Variants in CEP128 observed in about 807,000 individuals in gnomAD.
The protein encoded by CEP128 is centrosomal protein 128, also known as centrosomal protein 128kDa.
CEP128 carries 132 observed loss-of-function variants against 156.7 expected under a neutral mutation model. The observed-to-expected ratio is 0.84, with a 90% confidence interval of 0.73 to 0.97. The LOEUF (loss-of-function observed/expected upper bound fraction) is 0.97, where lower values mean the gene tolerates loss of function less well. Ranked by LOEUF, CEP128 falls within the 50% of genes least tolerant of loss-of-function variation. The pLI is 0.00. For missense variants in CEP128, 1,252 were observed against 1,281.9 expected (o/e 0.98, Z 0.36); for synonymous variants, 469 against 448.9 (o/e 1.04, Z -0.57).
At chr14:80,573,341 GTTTTTAGAAGCT>G (rs748282365) in intron 20 of CEP128, among the ~76,000 whole-genome samples, 215 of 152,126 alleles carry the variant, frequency 1.4e-3, no homozygotes, top group Non-Finnish European at 1.1e-3. Flanking sequence ...TGATGTGTGT[GTTTTTAGAAGCT>G]TTTTTAGAAG....
At chr14:80,542,116 C>G (rs1281558857) in intron 21 of CEP128, among the ~76,000 whole-genome samples, 1 of 152,212 alleles carries the variant, frequency 6.6e-6, no homozygotes, top group African/African-American at 2.4e-5. Context: ...CCTCTAAACT[C>G]TGGGTTAAGT....
intron 19 of CEP128, among the ~76,000 whole-genome samples, chr14:80,693,452 A>T (rs1415699174): frequency 1.3e-5 from 2 of 152,178 alleles, no homozygotes; most frequent in Admixed American, 1.3e-4. Context: ...TTCTTTAATG[A>T]GACATAGAGT....
chr14:80,776,282 C>T (rs1403421160), intron 16 of CEP128, among the ~76,000 whole-genome samples: 1 of 151,836 alleles, frequency 6.6e-6, no homozygotes, highest in African/African-American at 2.4e-5. Context: ...AGCATTATCA[C>T]CAGAACTACA....
At chr14:80,722,640 T>C (rs998302336) in intron 19 of CEP128, among the ~76,000 whole-genome samples, 2 of 151,742 alleles carry the variant, frequency 1.3e-5, no homozygotes, top group African/African-American at 4.8e-5. Flanking sequence ...AACAGAATGT[T>C]CATATATAAG....
At chr14:80,749,273 C>T (rs923468094) in intron 18 of CEP128, among the ~76,000 whole-genome samples, 3 of 152,168 alleles carry the variant, frequency 2.0e-5, no homozygotes, top group African/African-American at 7.2e-5. Context: ...CCAGCAATCC[C>T]GTTGCTAGGT....
intron 2 of CEP128, among the ~76,000 whole-genome samples, chr14:80,956,683 A>T (rs1208038101): frequency 4.8e-5 from 2 of 41,360 alleles, no homozygotes; most frequent in Admixed American, 2.1e-4. Context: ...CAGTTAAGAT[A>T]AAAAAAAATG....
intron 18 of CEP128, among the ~76,000 whole-genome samples, chr14:80,747,115 T>G (rs1899141784): frequency 6.6e-6 from 1 of 152,146 alleles, no homozygotes; most frequent in Non-Finnish European, 1.5e-5. Flanking sequence ...AAACTGGAAG[T>G]CTGACATACT....
intron 19 of CEP128, among the ~76,000 whole-genome samples, chr14:80,595,927 T>C (rs1055649697): frequency 4.0e-5 from 6 of 151,808 alleles, no homozygotes; most frequent in Admixed American, 2.6e-4. Context: ...CAGAACAGCA[T>C]GGGAAAGACC....
chr14:80,597,360 A>G (rs1367400744), intron 19 of CEP128, among the ~76,000 whole-genome samples: 1 of 152,204 alleles, frequency 6.6e-6, no homozygotes, highest in Non-Finnish European at 1.5e-5. Flanking sequence ...ACAAAGTACC[A>G]TAACTTACCC....
intron 2 of CEP128, among the ~76,000 whole-genome samples, chr14:80,956,200 G>C (rs1010973876): frequency 2.0e-5 from 3 of 152,172 alleles, no homozygotes; most frequent in African/African-American, 7.2e-5. Flanking sequence ...GGCATCTCAG[G>C]AACTGACCTT....
At chr14:80,821,374 A>G (rs538745668) in intron 13 of CEP128, among the ~76,000 whole-genome samples, 10 of 152,320 alleles carry the variant, frequency 6.6e-5, no homozygotes, top group Admixed American at 6.5e-4. Flanking sequence ...ATGGTATTTC[A>G]GGTAGACAAG....
At chr14:80,540,919 T>G (rs1304733771) in intron 21 of CEP128, among the ~76,000 whole-genome samples, 1 of 152,136 alleles carries the variant, frequency 6.6e-6, no homozygotes, top group Admixed American at 6.5e-5. Context: ...CCAAACACTC[T>G]CTCACCCCAA....
At chr14:80,656,346 T>TTAA (rs112270501) in intron 19 of CEP128, among the ~76,000 whole-genome samples, 1 of 71,016 alleles carries the variant, frequency 1.4e-5, no homozygotes, top group Non-Finnish European at 2.7e-5. Flanking sequence ...TATATAGCAA[T>TTAA]AAAAAAAAAA....
intron 19 of CEP128, among the ~76,000 whole-genome samples, chr14:80,716,080 G>A (rs1394510965): frequency 1.3e-5 from 2 of 152,130 alleles, no homozygotes; most frequent in Non-Finnish European, 2.9e-5. Flanking sequence ...GGCAAATGAT[G>A]ATTTTAAACC....
chr14:80,700,414 C>T (rs919141233), intron 19 of CEP128, among the ~76,000 whole-genome samples: 24 of 151,598 alleles, frequency 1.6e-4, no homozygotes, highest in Admixed American at 1.4e-3. Context: ...GGAAGATGCG[C>T]GTCATTAATA....
intron 13 of CEP128, among the ~76,000 whole-genome samples, chr14:80,815,259 C>A (rs531549798): frequency 6.6e-6 from 1 of 152,090 alleles, no homozygotes; most frequent in South Asian, 2.1e-4. Context: ...GGACAAAGAA[C>A]AAGAACAATC....
At chr14:80,767,315 C>T (rs190904300) in intron 16 of CEP128, among the ~76,000 whole-genome samples, 59 of 152,014 alleles carry the variant, frequency 3.9e-4, no homozygotes, top group African/African-American at 1.3e-3. Context: ...AAAAATAACA[C>T]ATCAAGTGCT....
intron 2 of CEP128, chr14:80,955,564 T>C: frequency 7.8e-7 from 1 of 1,277,878 alleles, no homozygotes; most frequent in South Asian, 1.2e-5. Context: ...CTTGGAGCCC[T>C]CCCTCTTCCC....
At chr14:80,639,785 A>G (rs1566827472) in intron 19 of CEP128, among the ~76,000 whole-genome samples, 2 of 152,166 alleles carry the variant, frequency 1.3e-5, no homozygotes, top group African/African-American at 4.8e-5. Flanking sequence ...GAGCAGAACT[A>G]TAATCTTAAA....
Sources: allele counts gnomAD v4.1 joint callset (sites outside exome capture counted in the v4.1 genomes callset), GRCh38; gene constraint gnomAD v4.1.1; transcripts MANE v1.5; gene names NCBI Gene and HGNC (gene_info 2026-07-23, HGNC 2026-07-21).